Variants in ADAMTSL1 observed in about 807,000 individuals in gnomAD.
The protein encoded by ADAMTSL1 is ADAMTS-like protein 1.
ADAMTSL1 carries 126 observed loss-of-function variants against 201.8 expected under a neutral mutation model. That is an observed-to-expected ratio of 0.62 (90% CI 0.54 to 0.72). ADAMTSL1 has a LOEUF of 0.72. Ranked by LOEUF, ADAMTSL1 falls within the 30% of genes least tolerant of loss-of-function variation. The probability of loss-of-function intolerance (pLI) is 0.00; values close to 1 mark genes in which losing one functional copy is unlikely to be tolerated. For missense variants in ADAMTSL1, 2,679 were observed against 2,277.8 expected (o/e 1.18, Z -3.59); for synonymous variants, 1,121 against 903.4 (o/e 1.24, Z -4.32).
chr9:18,558,480 G>A (rs1288015511), intron 3 of ADAMTSL1, among the ~76,000 whole-genome samples: 3 of 152,168 alleles, frequency 2.0e-5, no homozygotes, highest in Non-Finnish European at 4.4e-5. Flanking sequence ...ATGTGTGCAT[G>A]TGTCTTTATA....
intron 2 of ADAMTSL1, among the ~76,000 whole-genome samples, chr9:18,238,305 G>A (rs1020568473): frequency 6.6e-6 from 1 of 151,734 alleles, no homozygotes; most frequent in African/African-American, 2.4e-5. Flanking sequence ...TACACTTACA[G>A]TGACTCCATC....
chr9:18,091,836 GAA>G (rs956926001), intron 1 of ADAMTSL1, among the ~76,000 whole-genome samples: 1 of 152,000 alleles, frequency 6.6e-6, no homozygotes, highest in Non-Finnish European at 1.5e-5. Flanking sequence ...TGATGAATAA[GAA>G]AACAGAGCAG....
At chr9:18,438,546 C>T (rs898702384) in intron 2 of ADAMTSL1, among the ~76,000 whole-genome samples, 1 of 152,166 alleles carries the variant, frequency 6.6e-6, no homozygotes, top group Non-Finnish European at 1.5e-5. Flanking sequence ...CTCTCCGGCC[C>T]CATCCCCTTG....
chr9:17,918,197 T>C (rs186435861), intron 1 of ADAMTSL1, among the ~76,000 whole-genome samples: 1 of 151,950 alleles, frequency 6.6e-6, no homozygotes, highest in Admixed American at 6.6e-5. Context: ...GTCTGTTTTA[T>C]TTGGTCTTAT....
chr9:18,711,726 G>A (rs1033350670), intron 14 of ADAMTSL1, among the ~76,000 whole-genome samples: 8 of 152,038 alleles, frequency 5.3e-5, no homozygotes, highest in African/African-American at 9.7e-5. Flanking sequence ...TGGGAAGCTC[G>A]AACTGGGTGG....
At position 18,100,264 on chromosome 9, in the gene ADAMTSL1, T is replaced by C. The variant is rs541980128; in HGVS notation, c.88-63598T>C. 1.2e-3 allele frequency among the ~76,000 whole-genome samples: 179 copies of C among 152,292 alleles called. 1 individual carries two copies. The highest frequency in any genetic ancestry group is 3.9e-3 in the African/African-American group (162 of 41,570). ...ATTATTTTTATGTTACTCATTTGTT[T>C]GTGAAATTCGTTTACCCAAACTGTT... On this transcript the variant is annotated intron_variant, in intron 1 of 29. Coordinates refer to the ADAMTSL1 transcript ENST00000680146.
chr9:17,947,349 C>CCCT (rs1563913397), intron 1 of ADAMTSL1, among the ~76,000 whole-genome samples: 60 of 144,882 alleles, frequency 4.1e-4, no homozygotes, highest in African/African-American at 1.4e-3. Flanking sequence ...ACACACACCC[C>CCCT]ACTATGCACT....
chr9:18,630,817 T>A (rs544418449), intron 5 of ADAMTSL1, among the ~76,000 whole-genome samples: 7 of 152,304 alleles, frequency 4.6e-5, no homozygotes, highest in Admixed American at 1.3e-4. Flanking sequence ...TGCAATTACA[T>A]AGAGCTAGCC....
rs1341942246 is a variant in ADAMTSL1, at chr9:18,622,287, T to G, written c.519T>G (p.Asp173Glu). 1 of 1,614,004 alleles carries G rather than the reference T, an allele frequency of 6.2e-7. No homozygotes were observed. The highest frequency in any genetic ancestry group is 8.5e-7 in the Non-Finnish European group (1 of 1,179,936). ...DHQLGSTVKEDNCGVCNGDGS... is the reference protein window; with the variant it reads ...DHQLGSTVKEENCGVCNGDGS... ...AGCTGGGAAGCACCGTCAAGGAAGA[T>G]AACTGTGGGGTCTGCAACGGAGATG... is the stretch of plus-strand genomic sequence containing the variant. The change falls in exon 5 of 29, where the codon GAT becomes GAG. Residue 173 changes from aspartate to glutamate, a missense_variant. Asp to Glu is a conservative substitution (Grantham distance 45, BLOSUM62 2). Transcript: ENST00000380548.
At chr9:18,031,692 G>T (rs936207445) in intron 1 of ADAMTSL1, among the ~76,000 whole-genome samples, 2 of 152,120 alleles carry the variant, frequency 1.3e-5, no homozygotes, top group Non-Finnish European at 2.9e-5. Context: ...TTTTCCAATC[G>T]TTGGCATTGT....
At position 18,317,810 on chromosome 9, in the gene ADAMTSL1, A is replaced by C. The variant is rs575359200; in HGVS notation, c.207+153829A>C. Among the ~76,000 whole-genome samples the C allele has an allele frequency of 2.6e-5, 4 of 152,340 alleles. No homozygotes were observed. In the East Asian group the frequency reaches 7.7e-4, roughly 29 times the overall value. On this transcript the variant is annotated intron_variant, in intron 2 of 29. Transcript: ENST00000680146. Reference sequence around the variant, plus strand: ...AGTTGGGACAAGATTGGGATTTAACAGTTTCCCCTGTTAGAAAGTAAACTT... The same window carrying C: ...AGTTGGGACAAGATTGGGATTTAACCGTTTCCCCTGTTAGAAAGTAAACTT...
chr9:18,863,371 C>A (rs536550563), intron 23 of ADAMTSL1, among the ~76,000 whole-genome samples: 6 of 152,286 alleles, frequency 3.9e-5, no homozygotes, highest in African/African-American at 1.4e-4. Context: ...CCCCTGCCAA[C>A]GGAAACCCAA....
At chr9:18,169,751 C>T (rs927781910) in intron 2 of ADAMTSL1, among the ~76,000 whole-genome samples, 1 of 152,038 alleles carries the variant, frequency 6.6e-6, no homozygotes, top group Non-Finnish European at 1.5e-5. Context: ...TTCTTCCTAC[C>T]CATGAGCATG....
chr9:18,236,300 G>A (rs1031918162), intron 2 of ADAMTSL1, among the ~76,000 whole-genome samples: 4 of 152,132 alleles, frequency 2.6e-5, no homozygotes, highest in African/African-American at 9.7e-5. Flanking sequence ...GGTCTTGAAT[G>A]CCTGACCCCG....
At chr9:18,254,354 T>G (rs1831587772) in intron 2 of ADAMTSL1, among the ~76,000 whole-genome samples, 2 of 83,638 alleles carry the variant, frequency 2.4e-5, no homozygotes, top group African/African-American at 5.0e-5. Flanking sequence ...GGTTTTTTTT[T>G]TTTTTTTTTT....
intron 23 of ADAMTSL1, among the ~76,000 whole-genome samples, chr9:18,850,122 G>A (rs1826391205): frequency 1.3e-5 from 2 of 152,192 alleles, no homozygotes. Flanking sequence ...GAGCACCCAG[G>A]CATGGGCTTA....
chr9:18,816,720 CTTTTT>C (rs751791974), intron 20 of ADAMTSL1, among the ~76,000 whole-genome samples: 1 of 39,752 alleles, frequency 2.5e-5, no homozygotes, highest in East Asian at 9.0e-4. Flanking sequence ...AACCCTTGGT[CTTTTT>C]TTTTTTTTTT....
intron 2 of ADAMTSL1, among the ~76,000 whole-genome samples, chr9:18,238,486 A>G (rs1308596386): frequency 6.6e-6 from 1 of 152,138 alleles, no homozygotes; most frequent in Non-Finnish European, 1.5e-5. Flanking sequence ...CAGTCTGTGT[A>G]CTGTAGCTGT....
intron 21 of ADAMTSL1, among the ~76,000 whole-genome samples, chr9:18,818,935 G>A (rs184955200): frequency 6.6e-6 from 1 of 152,244 alleles, no homozygotes; most frequent in African/African-American, 2.4e-5. Flanking sequence ...TTCAGCCCCT[G>A]TACTCCTAGA....
Sources: gnomAD v4.1 joint callset for allele counts (sites outside exome capture counted in the v4.1 genomes callset) on GRCh38, gnomAD v4.1.1 for gene constraint, MANE v1.5 for transcripts, NCBI Gene and HGNC (gene_info 2026-07-23, HGNC 2026-07-21) for gene names.